RNF216: variants seen among roughly 807,000 people sequenced by gnomAD.
RNF216 encodes the protein ring finger protein 216.
In RNF216, 72 loss-of-function variants were observed where a neutral mutation model predicts 110.8. The observed-to-expected ratio is 0.65, with a 90% CI of 0.54 to 0.79. The LOEUF (loss-of-function observed/expected upper bound fraction) is 0.79. RNF216 is among the 30% of genes least tolerant of loss of function. The probability of loss-of-function intolerance (pLI) is 0.00; values close to 1 mark genes in which losing one functional copy is unlikely to be tolerated. For missense variants in RNF216, 1,342 were observed against 1,141.2 expected (o/e 1.18, Z -2.54); for synonymous variants, 495 against 407.5 (o/e 1.21, Z -2.59).
intron 1 of RNF216, among the ~76,000 whole-genome samples, chr7:5,769,113 C>A (rs1403776603): frequency 7.7e-6 from 1 of 130,094 alleles, no homozygotes; most frequent in Admixed American, 9.2e-5. Context: ...ATTTACAGTT[C>A]CAAATGCCTT....
At chr7:5,780,670 A>G (rs1012158652) in intron 1 of RNF216, among the ~76,000 whole-genome samples, 1 of 151,832 alleles carries the variant, frequency 6.6e-6, no homozygotes, top group African/African-American at 2.4e-5. Context: ...GCGCCACTGC[A>G]CTCCAGCCTG....
At chr7:5,701,094 G>A (rs1478034597) in intron 13 of RNF216, among the ~76,000 whole-genome samples, 3 of 152,180 alleles carry the variant, frequency 2.0e-5, no homozygotes, top group African/African-American at 7.2e-5. Flanking sequence ...GACCCTGAGA[G>A]TGGGAGCACA....
intron 12 of RNF216, among the ~76,000 whole-genome samples, chr7:5,712,223 T>C (rs970345914): frequency 1.1e-4 from 17 of 152,274 alleles, no homozygotes; most frequent in African/African-American, 3.8e-4. Flanking sequence ...CTCACGCCTG[T>C]AGTCCCAGCA....
chr7:5,772,026 G>T (rs1470060875), intron 1 of RNF216, among the ~76,000 whole-genome samples: 1 of 152,188 alleles, frequency 6.6e-6, no homozygotes, highest in Non-Finnish European at 1.5e-5. Context: ...CTGAGCTCAG[G>T]AGTTCGAGAC....
intron 2 of RNF216, among the ~76,000 whole-genome samples, chr7:5,753,183 G>A (rs532841279): frequency 6.6e-6 from 1 of 152,294 alleles, no homozygotes; most frequent in South Asian, 2.1e-4. Flanking sequence ...GGAACTGCTA[G>A]AGAACATCTA....
At chr7:5,652,236 T>A (rs1788435642) in intron 14 of RNF216, among the ~76,000 whole-genome samples, 177 bp downstream of exon 14, 1 of 152,140 alleles carries the variant, frequency 6.6e-6, no homozygotes, top group South Asian at 2.1e-4. Flanking sequence ...AATAACTCCA[T>A]GAGGCTGCAG....
chr7:5,706,393 C>T (rs1792292016), intron 13 of RNF216, among the ~76,000 whole-genome samples: 1 of 152,152 alleles, frequency 6.6e-6, no homozygotes, highest in Admixed American at 6.5e-5. Context: ...ACTTTGCCTT[C>T]TCCCAGCCTC....
At chr7:5,707,630 A>C (rs1792375035) in intron 13 of RNF216, among the ~76,000 whole-genome samples, 1 of 151,284 alleles carries the variant, frequency 6.6e-6, no homozygotes, top group East Asian at 1.9e-4. Flanking sequence ...TAGGGCTTCC[A>C]GTGTTATATA....
intron 15 of RNF216, among the ~76,000 whole-genome samples, chr7:5,634,885 T>C (rs1195112787): frequency 1.3e-5 from 2 of 152,052 alleles, no homozygotes; most frequent in Non-Finnish European, 2.9e-5. Flanking sequence ...ACTGCTGGGG[T>C]AGCAAAACTG....
At chr7:5,778,013 G>A (rs544229196) in intron 1 of RNF216, among the ~76,000 whole-genome samples, 1 of 152,284 alleles carries the variant, frequency 6.6e-6, no homozygotes, top group South Asian at 2.1e-4. Context: ...GTGACCAAAG[G>A]ACATGCTTCT....
chr7:5,776,575 A>T (rs1796787422), intron 1 of RNF216, among the ~76,000 whole-genome samples: 2 of 142,574 alleles, frequency 1.4e-5, no homozygotes, highest in African/African-American at 2.6e-5. Context: ...AGCCTGGGCG[A>T]CAGAGCAAGA....
chr7:5,677,844 G>A (rs1409487071), intron 13 of RNF216, among the ~76,000 whole-genome samples: 3 of 152,156 alleles, frequency 2.0e-5, no homozygotes, highest in Non-Finnish European at 4.4e-5. Context: ...ATCAGGGGAA[G>A]GAGGATACTG....
chr7:5,637,633 A>T (rs1280955829), intron 15 of RNF216, among the ~76,000 whole-genome samples: 4 of 152,042 alleles, frequency 2.6e-5, no homozygotes, highest in Non-Finnish European at 4.4e-5. Context: ...TGCATCCCTA[A>T]CGTCCCGGGC....
Position 5,626,884 on chromosome 7 carries a change from G to A in RNF216, c.2383-2759C>T, listed in dbSNP as rs1421315162. On this transcript the variant is annotated intron_variant, in intron 15 of 16. Transcript: ENST00000389902. Reference sequence around the variant, plus strand: ...GTAAATGCTCATGATTAGGACACAGGAACACTGAAAAATGACAGGTAGAGA... The same window carrying A: ...GTAAATGCTCATGATTAGGACACAGAAACACTGAAAAATGACAGGTAGAGA... Among the ~76,000 whole-genome samples, 3 of 152,148 alleles carry A rather than the reference G, an allele frequency of 2.0e-5. No homozygotes were observed. In the East Asian group the frequency reaches 5.8e-4, roughly 29 times the overall value.
chr7:5,742,711 A>G (rs11561879), intron 3 of RNF216, among the ~76,000 whole-genome samples: 150,021 of 151,220 alleles, frequency 0.99, 74,424 homozygotes, highest in Middle Eastern at 1. Flanking sequence ...TTATCCTGCC[A>G]CAGCCTCCCG....
chr7:5,752,710 G>T, intron 3 of RNF216, 136 bp downstream of exon 3: 1 of 747,174 alleles, frequency 1.3e-6, no homozygotes, highest in Non-Finnish European at 2.1e-6. Context: ...AAGAGTACAC[G>T]AGGTAGAATG....
chr7:5,708,550 A>G (rs1413633304), intron 13 of RNF216, among the ~76,000 whole-genome samples: 2 of 152,224 alleles, frequency 1.3e-5, no homozygotes, highest in African/African-American at 4.8e-5. Context: ...TCAGTACAGT[A>G]CTCAATAAAT....
chr7:5,628,665 G>T (rs982628914), intron 15 of RNF216, among the ~76,000 whole-genome samples: 2 of 150,484 alleles, frequency 1.3e-5, no homozygotes, highest in Non-Finnish European at 2.9e-5. Flanking sequence ...CAGACTACAG[G>T]CGCCCACCAC....
intron 10 of RNF216, 75 bp downstream of exon 10, chr7:5,716,641 A>G (rs1384567231): frequency 7.9e-7 from 1 of 1,268,784 alleles, no homozygotes; most frequent in African/African-American, 1.5e-5. Flanking sequence ...TGCCATCAAA[A>G]ATGCTGACAA....
Sources: gnomAD v4.1 joint callset for allele counts (sites outside exome capture counted in the v4.1 genomes callset) on GRCh38, gnomAD v4.1.1 for gene constraint, MANE v1.5 for transcripts, NCBI Gene and HGNC (gene_info 2026-07-23, HGNC 2026-07-21) for gene names.